The following PSMG2 variants were observed in gnomAD, a reference collection of about 807,000 sequenced individuals.
The protein encoded by PSMG2 is CD40 ligand-activated specific transcript 3.
In PSMG2, 21 loss-of-function variants were observed where a neutral mutation model predicts 31.5. That is an observed-to-expected ratio of 0.67 (90% CI 0.47 to 0.96). The LOEUF (loss-of-function observed/expected upper bound fraction) is 0.96. Ranked by LOEUF, PSMG2 falls within the 40% of genes least tolerant of loss-of-function variation. The pLI, the probability that PSMG2 is intolerant of heterozygous loss-of-function variation, is 0.00. For synonymous variants in PSMG2, 120 were observed against 110.4 expected (o/e 1.09, Z -0.54); for missense variants, 318 against 321.2 (o/e 0.99, Z 0.08).
At chr18:12,687,219 A>G (rs935482786) in intron 1 of PSMG2, among the ~76,000 whole-genome samples, 22 of 152,326 alleles carry the variant, frequency 1.4e-4, no homozygotes, top group African/African-American at 4.8e-4. Context: ...TCCTCAGGAC[A>G]TGAGATCTAA....
chr18:12,723,422 A>G (rs1022504201), intron 5 of PSMG2, among the ~76,000 whole-genome samples: 3 of 152,060 alleles, frequency 2.0e-5, no homozygotes, highest in Non-Finnish European at 2.9e-5. Flanking sequence ...ACCTTACTAG[A>G]TATAGAACTT....
chr18:12,703,613 T>G (rs2040225285), intron 1 of PSMG2, among the ~76,000 whole-genome samples: 5 of 152,260 alleles, frequency 3.3e-5, no homozygotes, highest in African/African-American at 1.2e-4. Context: ...ATTCATTCAT[T>G]GTTTTAATAA....
chr18:12,673,877 T>C (rs1191433375), intron 1 of PSMG2, among the ~76,000 whole-genome samples: 1 of 152,104 alleles, frequency 6.6e-6, no homozygotes, highest in African/African-American at 2.4e-5. Context: ...TGAGACTCCA[T>C]CTCAAAAATA....
chr18:12,718,108 A>C (rs1229905786), intron 3 of PSMG2, among the ~76,000 whole-genome samples: 1 of 150,318 alleles, frequency 6.7e-6, no homozygotes, highest in East Asian at 2.0e-4. Context: ...TCCTGGGTTC[A>C]AGTGATTCTC....
chr18:12,708,401 G>C (rs891418327), intron 2 of PSMG2, among the ~76,000 whole-genome samples: 1 of 150,650 alleles, frequency 6.6e-6, no homozygotes, highest in African/African-American at 2.4e-5. Flanking sequence ...TTTTGCTCTT[G>C]TTGCCCGGGC....
chr18:12,722,684 C>G (rs551984349), intron 5 of PSMG2, among the ~76,000 whole-genome samples: 3 of 152,300 alleles, frequency 2.0e-5, no homozygotes, highest in Non-Finnish European at 4.4e-5. Context: ...TTAAAATACT[C>G]AGTTGTATCA....
upstream of PSMG2, chr18:12,702,741 G>A (rs2040203485): frequency 4.9e-6 from 3 of 616,782 alleles, no homozygotes; most frequent in Admixed American, 3.3e-5. Flanking sequence ...CGGCGGCGGC[G>A]GCGCCAACTG....
rs147450141 is a variant in PSMG2 at position 12,666,670 on chromosome 18, G to A, written c.-37+7897G>A. Among the ~76,000 whole-genome samples, 493 of 150,080 alleles carry A rather than the reference G, an allele frequency of 3.3e-3. 1 individual carries two copies. The highest frequency in any genetic ancestry group is 0.011 in the African/African-American group (462 of 40,956). ...TCGCCACATTGCCCAAACTGGTCTC[G>A]AACTCCTCACTCAATTGATCTACCT... is the stretch of plus-strand genomic sequence containing the variant. On this transcript the variant is annotated intron_variant, in intron 1 of 6. Transcript: ENST00000585331.
At chr18:12,703,712 A>G (rs1465803080) in intron 1 of PSMG2, among the ~76,000 whole-genome samples, 1 of 152,232 alleles carries the variant, frequency 6.6e-6, no homozygotes, top group Non-Finnish European at 1.5e-5. Context: ...TCTAAGAGCA[A>G]TAAATGCTAG....
chr18:12,670,179 A>G (rs1035076358), intron 1 of PSMG2, among the ~76,000 whole-genome samples: 2 of 151,296 alleles, frequency 1.3e-5, no homozygotes. Flanking sequence ...AATACAAAAA[A>G]ATTAGCTGGG....
intron 1 of PSMG2, chr18:12,661,323 A>G (rs2038692116): frequency 1.0e-6 from 1 of 979,564 alleles, no homozygotes; most frequent in Non-Finnish European, 1.2e-6. Flanking sequence ...AAGAAGAAAA[A>G]AAATTGATAA....
intron 1 of PSMG2, chr18:12,678,412 T>C: frequency 6.2e-7 from 1 of 1,613,378 alleles, no homozygotes; most frequent in Non-Finnish European, 8.5e-7. Context: ...CAACTGGAGG[T>C]TCATCAGGAT....
chr18:12,702,675 G>A, upstream of PSMG2: 1 of 1,066,572 alleles, frequency 9.4e-7, no homozygotes, highest in East Asian at 2.9e-5. Flanking sequence ...GCCTAGCGCA[G>A]CTCCCGGGGG....
intron 5 of PSMG2, among the ~76,000 whole-genome samples, chr18:12,722,178 G>A (rs1021251082): frequency 6.6e-6 from 1 of 152,160 alleles, no homozygotes; most frequent in Non-Finnish European, 1.5e-5. Context: ...TTCTGACCAA[G>A]ACAGAGTAAC....
chr18:12,694,085 T>A (rs1309102922), intron 1 of PSMG2, among the ~76,000 whole-genome samples: 1 of 152,200 alleles, frequency 6.6e-6, no homozygotes, highest in Non-Finnish European at 1.5e-5. Context: ...TCCACCCACC[T>A]TAGCCTCCCA....
At chr18:12,662,395 A>G (rs2038710784) in intron 1 of PSMG2, among the ~76,000 whole-genome samples, 1 of 152,232 alleles carries the variant, frequency 6.6e-6, no homozygotes, top group Non-Finnish European at 1.5e-5. Context: ...AGTAAATGAA[A>G]CAGTTGGTAC....
intron 1 of PSMG2, chr18:12,680,620 T>C: frequency 7.9e-7 from 1 of 1,260,226 alleles, no homozygotes; most frequent in Non-Finnish European, 1.1e-6. Flanking sequence ...AAAAAAAACT[T>C]ATAACTTCAT....
chr18:12,699,283 T>G (rs2040068617), upstream of PSMG2: 1 of 1,048,314 alleles, frequency 9.5e-7, no homozygotes, highest in African/African-American at 1.6e-5. Context: ...AAATAAAAAC[T>G]TGACAGATAA....
intron 2 of PSMG2, among the ~76,000 whole-genome samples, chr18:12,712,217 G>C (rs1384154652): frequency 1.3e-5 from 2 of 152,088 alleles, no homozygotes; most frequent in African/African-American, 4.8e-5. Flanking sequence ...CCTTTAAAAA[G>C]TTCTAAGGAA....
Sources: allele counts gnomAD v4.1 joint callset (sites outside exome capture counted in the v4.1 genomes callset), GRCh38; gene constraint gnomAD v4.1.1; transcripts MANE v1.5; gene names NCBI Gene and HGNC (gene_info 2026-07-23, HGNC 2026-07-21).